Variants in CDH18 observed in about 807,000 individuals in gnomAD.
CDH18 encodes the protein cadherin-18.
In CDH18, 31 loss-of-function variants were observed where a neutral mutation model predicts 67.9. That is an observed-to-expected ratio of 0.46 (90% CI 0.34 to 0.62). The LOEUF (loss-of-function observed/expected upper bound fraction) is 0.62, where lower values mean the gene tolerates loss of function less well. Ranked by LOEUF, CDH18 falls within the 20% of genes least tolerant of loss-of-function variation. The pLI, the probability that CDH18 is intolerant of heterozygous loss-of-function variation, is 0.01. For missense variants in CDH18, 890 were observed against 975.5 expected, an observed-to-expected ratio of 0.91 and a Z score of 1.17; for synonymous variants, 362 against 347.2, an observed-to-expected ratio of 1.04 and a Z score of -0.48.
chr5:20,185,674 T>A (rs899952474), intron 2 of CDH18, among the ~76,000 whole-genome samples: 4 of 152,048 alleles, frequency 2.6e-5, no homozygotes, highest in Admixed American at 2.0e-4. Context: ...TGCTTAAATA[T>A]TACTCCATCT....
chr5:20,496,873 A>G (rs1334250656), intron 1 of CDH18, among the ~76,000 whole-genome samples: 4 of 152,076 alleles, frequency 2.6e-5, no homozygotes, highest in African/African-American at 9.7e-5. Flanking sequence ...AAATAAGTAA[A>G]TTTTATGAGA....
At chr5:19,636,273 TG>T (rs1390109698) in intron 5 of CDH18, among the ~76,000 whole-genome samples, 2 of 152,088 alleles carry the variant, frequency 1.3e-5, no homozygotes, top group African/African-American at 4.8e-5. Flanking sequence ...TACAGTATGA[TG>T]TTTTGAAGGA....
chr5:19,884,342 C>A (rs542261329), intron 2 of CDH18, among the ~76,000 whole-genome samples: 10 of 151,940 alleles, frequency 6.6e-5, no homozygotes, highest in Admixed American at 6.6e-5. Flanking sequence ...AGAATGAGAA[C>A]AATAAAAGGA....
chr5:19,493,312 A>G (rs1254778727), intron 11 of CDH18, among the ~76,000 whole-genome samples: 1 of 152,150 alleles, frequency 6.6e-6, no homozygotes, highest in Non-Finnish European at 1.5e-5. Flanking sequence ...TTGAATCAGA[A>G]CAGTTTAAAT....
At chr5:20,409,408 T>C (rs1746576261) in intron 1 of CDH18, among the ~76,000 whole-genome samples, 1 of 151,684 alleles carries the variant, frequency 6.6e-6, no homozygotes, top group African/African-American at 2.4e-5. Flanking sequence ...ACAATATACA[T>C]TTGAACAACC....
intron 5 of CDH18, among the ~76,000 whole-genome samples, chr5:19,681,906 G>T (rs946749981): frequency 6.6e-6 from 1 of 151,840 alleles, no homozygotes; most frequent in Admixed American, 6.6e-5. Flanking sequence ...ACTTCCCCTT[G>T]TTTAAAGATT....
At chr5:20,188,048 A>G (rs1465439251) in intron 2 of CDH18, among the ~76,000 whole-genome samples, 1 of 151,930 alleles carries the variant, frequency 6.6e-6, no homozygotes, top group Non-Finnish European at 1.5e-5. Flanking sequence ...CATTGCAGAG[A>G]CATGCCACAT....
chr5:20,166,708 T>C (rs1027590731), intron 2 of CDH18, among the ~76,000 whole-genome samples: 3 of 152,094 alleles, frequency 2.0e-5, no homozygotes, highest in Non-Finnish European at 4.4e-5. Flanking sequence ...CTTGTAGGAT[T>C]AAGTCCATGT....
At chr5:20,293,787 A>C (rs2149948838) in intron 1 of CDH18, among the ~76,000 whole-genome samples, 1 of 152,322 alleles carries the variant, frequency 6.6e-6, no homozygotes, top group South Asian at 2.1e-4. Context: ...TGAGTTTTCT[A>C]TTATACAAAT....
intron 1 of CDH18, among the ~76,000 whole-genome samples, chr5:20,485,651 A>G (rs1161186396): frequency 6.6e-6 from 1 of 152,156 alleles, no homozygotes; most frequent in East Asian, 1.9e-4. Flanking sequence ...ATCTTCAGAA[A>G]CAATCTGAGG....
chr5:20,065,237 T>A (rs1742879725), intron 2 of CDH18, among the ~76,000 whole-genome samples: 1 of 152,024 alleles, frequency 6.6e-6, no homozygotes. Context: ...AAGTGACGTA[T>A]CTTATAAAAT....
At chr5:20,457,581 A>G (rs1392910394) in intron 1 of CDH18, among the ~76,000 whole-genome samples, 7 of 152,124 alleles carry the variant, frequency 4.6e-5, no homozygotes, top group Non-Finnish European at 1.0e-4. Context: ...TTTTCCGAGA[A>G]GAGGTGATGG....
chr5:19,777,643 A>C (rs1774554661), intron 3 of CDH18, among the ~76,000 whole-genome samples: 1 of 152,212 alleles, frequency 6.6e-6, no homozygotes. Context: ...AGTTCCGTTC[A>C]TCCTTGATCA....
intron 2 of CDH18, among the ~76,000 whole-genome samples, chr5:19,873,442 A>G (rs1786553660): frequency 6.6e-6 from 1 of 152,104 alleles, no homozygotes; most frequent in Admixed American, 6.5e-5. Flanking sequence ...AATATAATAT[A>G]AAAATAATGC....
At chr5:19,592,354 A>G (rs1580379816) in intron 6 of CDH18, among the ~76,000 whole-genome samples, 2 of 152,206 alleles carry the variant, frequency 1.3e-5, no homozygotes, top group Middle Eastern at 3.5e-3. Context: ...TAAGAAGCAT[A>G]ATGAACATGT....
At chr5:19,554,762 C>T (rs1684835) in intron 8 of CDH18, among the ~76,000 whole-genome samples, 15,080 of 151,952 alleles carry the variant, frequency 0.099, 1,040 homozygotes, top group African/African-American at 0.19. Flanking sequence ...GTTAGATAAA[C>T]TTTAACCAGA....
chr5:20,071,484 C>T lies in CDH18; in HGVS notation c.-517-79470G>A, dbSNP rs190007494. Reference sequence around the variant, plus strand: ...TGGTACAACCACAAAGAAATGTGCACAGGCTACTGGAGTTATTTACTTATA... The same window carrying T: ...TGGTACAACCACAAAGAAATGTGCATAGGCTACTGGAGTTATTTACTTATA... On this transcript the variant is annotated intron_variant, in intron 2 of 14. Coordinates refer to the CDH18 transcript ENST00000507958. Among the ~76,000 whole-genome samples the T allele has an allele frequency of 1.5e-3, 224 of 152,114 alleles. 6 individuals are homozygous for T. The highest frequency in any genetic ancestry group is 5.0e-4 in the Non-Finnish European group (34 of 67,936).
intron 2 of CDH18, among the ~76,000 whole-genome samples, chr5:20,036,122 A>G (rs905338730): frequency 1.3e-5 from 2 of 152,052 alleles, no homozygotes; most frequent in African/African-American, 4.8e-5. Flanking sequence ...ATAAATGTGG[A>G]CTAAAAAAGT....
chr5:20,230,939 A>T (rs1272169101), intron 2 of CDH18, among the ~76,000 whole-genome samples: 1 of 152,216 alleles, frequency 6.6e-6, no homozygotes, highest in Non-Finnish European at 1.5e-5. Flanking sequence ...TAAAAGGTAT[A>T]GATGTTAAAA....
Sources: gnomAD v4.1 joint callset for allele counts (sites outside exome capture counted in the v4.1 genomes callset) on GRCh38, gnomAD v4.1.1 for gene constraint, MANE v1.5 for transcripts, NCBI Gene and HGNC (gene_info 2026-07-23, HGNC 2026-07-21) for gene names.